The following LRP1B variants were observed in gnomAD, a reference collection of about 807,000 sequenced individuals.
The protein encoded by LRP1B is LDL receptor related protein 1B.
A neutral mutation model predicts 556.6 loss-of-function variants in LRP1B; 217 were observed. That is an observed-to-expected ratio of 0.39 (90% CI 0.35 to 0.44). LRP1B has a LOEUF of 0.44. LRP1B is among the 20% of genes least tolerant of loss of function. The pLI is 1.00. For synonymous variants in LRP1B, 2,047 were observed against 1,865.8 expected, an observed-to-expected ratio of 1.10 and a Z score of -2.50; for missense variants, 5,053 against 5,620.8, an observed-to-expected ratio of 0.90 and a Z score of 3.23.
intron 86 of LRP1B, among the ~76,000 whole-genome samples, chr2:140,248,493 A>C (rs896975064): frequency 1.3e-5 from 2 of 151,634 alleles, no homozygotes; most frequent in African/African-American, 4.8e-5. Flanking sequence ...CTAACACATT[A>C]TATAATTTTC....
chr2:140,687,100 C>T (rs1490308519), intron 41 of LRP1B, among the ~76,000 whole-genome samples: 9 of 151,926 alleles, frequency 5.9e-5, no homozygotes, highest in African/African-American at 1.9e-4. Flanking sequence ...AGTTCAAGGA[C>T]GTTGGGTAGA....
chr2:141,987,549 G>T (rs916538543), intron 1 of LRP1B, among the ~76,000 whole-genome samples: 21 of 139,964 alleles, frequency 1.5e-4, no homozygotes, highest in Admixed American at 3.6e-4. Flanking sequence ...GATTTAAGCT[G>T]TTTTTTTTTT....
intron 14 of LRP1B, among the ~76,000 whole-genome samples, chr2:141,011,697 T>G (rs1697754206): frequency 6.6e-6 from 1 of 152,200 alleles, no homozygotes; most frequent in Non-Finnish European, 1.5e-5. Flanking sequence ...AAGAATTTAG[T>G]AATCAGAGCT....
intron 45 of LRP1B, among the ~76,000 whole-genome samples, chr2:140,539,968 G>A (rs1233841466): frequency 6.6e-6 from 1 of 152,072 alleles, no homozygotes. Flanking sequence ...CTTTCACAGT[G>A]AGAAAATATG....
intron 24 of LRP1B, among the ~76,000 whole-genome samples, chr2:140,885,879 T>C (rs1167449249): frequency 9.3e-5 from 14 of 151,350 alleles, no homozygotes; most frequent in Non-Finnish European, 1.0e-4. Context: ...TTTTTTTTTC[T>C]TGTAAATGCA....
chr2:141,807,894 G>A (rs1244051760), intron 2 of LRP1B, among the ~76,000 whole-genome samples: 1 of 152,050 alleles, frequency 6.6e-6, no homozygotes, highest in African/African-American at 2.4e-5. Flanking sequence ...GGCCTTCTGG[G>A]TATCTGCCAT....
chr2:140,836,478 C>A (rs1691907279), intron 31 of LRP1B, among the ~76,000 whole-genome samples: 1 of 152,094 alleles, frequency 6.6e-6, no homozygotes, highest in African/African-American at 2.4e-5. Context: ...TTCTAGATTT[C>A]TGAATTTTCT....
chr2:141,081,287 T>C (rs1488846505), intron 7 of LRP1B, among the ~76,000 whole-genome samples: 2 of 152,196 alleles, frequency 1.3e-5, no homozygotes, highest in African/African-American at 4.8e-5. Flanking sequence ...TCCTGGGCTG[T>C]ATCCCCTGTG....
intron 3 of LRP1B, among the ~76,000 whole-genome samples, chr2:141,352,916 C>CA (rs1353234447): frequency 6.6e-6 from 1 of 151,832 alleles, no homozygotes; most frequent in African/African-American, 2.4e-5. Flanking sequence ...TATTTATATT[C>CA]AAAATGATTA....
chr2:140,900,613 A>G (rs994308374), intron 23 of LRP1B, among the ~76,000 whole-genome samples: 5 of 152,332 alleles, frequency 3.3e-5, no homozygotes, highest in African/African-American at 1.2e-4. Context: ...AGAATATAGT[A>G]TCTATTAACT....
intron 49 of LRP1B, among the ~76,000 whole-genome samples, chr2:140,520,603 A>T (rs1574033984): frequency 6.6e-6 from 1 of 151,492 alleles, no homozygotes; most frequent in Non-Finnish European, 1.5e-5. Flanking sequence ...TTAAAGTATA[A>T]TTTTTTTTGG....
chr2:141,264,547 C>A (rs115696709), intron 3 of LRP1B, among the ~76,000 whole-genome samples: 1 of 152,200 alleles, frequency 6.6e-6, no homozygotes, highest in East Asian at 1.9e-4. Flanking sequence ...CCTTGTCTCC[C>A]GGCTTCAAGC....
At chr2:141,132,514 C>T (rs572402104) in intron 7 of LRP1B, among the ~76,000 whole-genome samples, 2 of 152,120 alleles carry the variant, frequency 1.3e-5, no homozygotes, top group South Asian at 4.1e-4. Context: ...AAAAAACCCT[C>T]TTCTCTTTAT....
intron 43 of LRP1B, among the ~76,000 whole-genome samples, chr2:140,583,162 CTTTTTTTTCTTTTTTT>C (rs1681841393): frequency 9.3e-6 from 1 of 107,818 alleles, no homozygotes; most frequent in Admixed American, 1.1e-4. Flanking sequence ...ACAGTTTCTC[CTTTTTTTTCTTTTTTT>C]TTTTTTTTTT....
At chr2:141,130,122 T>C (rs1449822395) in intron 7 of LRP1B, among the ~76,000 whole-genome samples, 1 of 151,974 alleles carries the variant, frequency 6.6e-6, no homozygotes, top group Non-Finnish European at 1.5e-5. Context: ...GAGTGGCCAT[T>C]AAAAAATATT....
rs2105327521 is a variant in LRP1B, at chr2:141,247,305, G to C, written c.513C>G (p.Asn171Lys). ...VYGTCSQTCR[N>K]THGSYTCSCV... is the part of the protein sequence containing the mutation. ...AACTGCAAGTGTAGGATCCATGTGTGTTTCTGCAGGTCTGGCTGCATGTAC... is the reference window on the plus strand; with the variant it reads ...AACTGCAAGTGTAGGATCCATGTGTCTTTCTGCAGGTCTGGCTGCATGTAC... The change falls in exon 5 of 91, where the codon AAC becomes AAG. Residue 171 changes from asparagine (N) to lysine (K), a missense_variant. Around this residue, in one of 5 missense-constraint regions of LRP1B, gnomAD observed 3,619 missense variants for 3,931.9 expected, o/e 0.92. Coordinates refer to ENST00000389484, the MANE Select transcript of LRP1B (RefSeq NM_018557.3). 1 of 1,613,784 alleles carries C rather than the reference G, an allele frequency of 6.2e-7. No individual in the cohort carries two copies. Among genetic ancestry groups the C allele is most frequent in the Non-Finnish European group, 8.5e-7 (1 of 1,179,782 alleles).
chr2:142,071,695 C>T (rs191492459), intron 1 of LRP1B, among the ~76,000 whole-genome samples: 4 of 152,018 alleles, frequency 2.6e-5, no homozygotes, highest in African/African-American at 9.6e-5. Flanking sequence ...AATATTTTCT[C>T]TCTGGTTCCT....
At chr2:141,667,194 G>A (rs1490249001) in intron 2 of LRP1B, among the ~76,000 whole-genome samples, 1 of 151,946 alleles carries the variant, frequency 6.6e-6, no homozygotes, top group Non-Finnish European at 1.5e-5. Flanking sequence ...GTCAATACTA[G>A]AGGTTCCATT....
intron 66 of LRP1B, among the ~76,000 whole-genome samples, chr2:140,420,546 A>C (rs1435739596): frequency 6.6e-6 from 1 of 152,238 alleles, no homozygotes; most frequent in African/African-American, 2.4e-5. Context: ...CCATACAAGG[A>C]CTAATACATG....
Sources: allele counts gnomAD v4.1 joint callset (sites outside exome capture counted in the v4.1 genomes callset), GRCh38; gene constraint gnomAD v4.1.1; regional missense constraint gnomAD v4.1.1; transcripts MANE v1.5; gene names NCBI Gene and HGNC (gene_info 2026-07-23, HGNC 2026-07-21).